TLN2: variants seen among roughly 807,000 people sequenced by gnomAD.
The protein encoded by TLN2 is talin 2.
A neutral mutation model predicts 294.7 loss-of-function variants in TLN2; 118 were observed. That is an observed-to-expected ratio of 0.40 (90% CI 0.34 to 0.47). The LOEUF (loss-of-function observed/expected upper bound fraction) is 0.47. Ranked by LOEUF, TLN2 falls within the 20% of genes least tolerant of loss-of-function variation. TLN2 has a pLI of 0.84. For missense variants in TLN2, 3,083 were observed against 3,282.2 expected (o/e 0.94, Z 1.48); for synonymous variants, 1,431 against 1,304.5 (o/e 1.10, Z -2.09).
At chr15:62,406,562 G>A (rs2033421110) in intron 1 of TLN2, among the ~76,000 whole-genome samples, 1 of 152,202 alleles carries the variant, frequency 6.6e-6, no homozygotes, top group South Asian at 2.1e-4. Context: ...TTAATAAAAT[G>A]CAGATTAAGG....
At chr15:62,590,240 G>T (rs1298563840) in intron 2 of TLN2, among the ~76,000 whole-genome samples, 2 of 152,058 alleles carry the variant, frequency 1.3e-5, no homozygotes, top group Admixed American at 6.6e-5. Context: ...TCATTGTACA[G>T]ATTATTTCAT....
intron 2 of TLN2, among the ~76,000 whole-genome samples, chr15:62,596,286 T>C (rs2046508545): frequency 8.0e-6 from 1 of 124,684 alleles, no homozygotes; most frequent in South Asian, 2.9e-4. Flanking sequence ...AAAAAGGTAT[T>C]CTTGAAAATT....
Position 62,439,334 on chromosome 15 carries a change from A to G in TLN2, c.-238+48649A>G, listed in dbSNP as rs189439499. Among the ~76,000 whole-genome samples the G allele has an allele frequency of 9.9e-4, 151 of 151,962 alleles. 1 individual carries two copies. The highest frequency in any genetic ancestry group is 3.3e-3 in the African/African-American group (138 of 41,456). On this transcript the variant is annotated intron_variant, in intron 1 of 58. Coordinates refer to ENST00000636159, the MANE Select transcript of TLN2 (RefSeq NM_015059.3). ...TCTGAGCCAGTTGTTTTTTTTTGAG[A>G]TGGAGTCTTGCTCTGTTGCCCAGGC...
intron 33 of TLN2, among the ~76,000 whole-genome samples, chr15:62,748,867 A>G (rs1018707266): frequency 4.6e-5 from 7 of 152,224 alleles, no homozygotes; most frequent in Admixed American, 4.6e-4. Context: ...TGATTTTCCC[A>G]TACACTGCAT....
chr15:62,813,907 C>T (rs1274822965), intron 52 of TLN2, among the ~76,000 whole-genome samples: 3 of 151,960 alleles, frequency 2.0e-5, no homozygotes, highest in African/African-American at 7.3e-5. Flanking sequence ...CTCCGCCTCC[C>T]GGGTTCAAAT....
chr15:62,540,543 A>T (rs2041621193), intron 1 of TLN2, among the ~76,000 whole-genome samples: 1 of 151,928 alleles, frequency 6.6e-6, no homozygotes, highest in Admixed American at 6.6e-5. Flanking sequence ...TGTTAACCAT[A>T]ATCTGGCCAT....
intron 11 of TLN2, among the ~76,000 whole-genome samples, chr15:62,684,351 T>C (rs796395470): frequency 1.6e-4 from 25 of 152,328 alleles, no homozygotes; most frequent in African/African-American, 6.0e-4. Flanking sequence ...CTAAATTAGC[T>C]GCCTAGAGCC....
At chr15:62,426,421 C>G (rs1416004860) in intron 1 of TLN2, among the ~76,000 whole-genome samples, 3 of 152,212 alleles carry the variant, frequency 2.0e-5, no homozygotes, top group African/African-American at 7.2e-5. Context: ...GTCTGTACCT[C>G]AGTGCCTTGG....
chr15:62,447,691 C>T (rs2035897495), intron 1 of TLN2, among the ~76,000 whole-genome samples: 1 of 152,148 alleles, frequency 6.6e-6, no homozygotes, highest in Admixed American at 6.6e-5. Context: ...GACAGGGTTT[C>T]ACTGAGTTAG....
At chr15:62,825,066 C>G (rs1449544002) in intron 54 of TLN2, among the ~76,000 whole-genome samples, 1 of 152,108 alleles carries the variant, frequency 6.6e-6, no homozygotes, top group Non-Finnish European at 1.5e-5. Context: ...AGGAGAGGGT[C>G]CTGTAATGTT....
chr15:62,546,700 A>AT (rs1198050048), intron 1 of TLN2, among the ~76,000 whole-genome samples: 1 of 152,206 alleles, frequency 6.6e-6, no homozygotes, highest in Non-Finnish European at 1.5e-5. Context: ...GAAAGGCAAA[A>AT]TCAGTTTGGT....
intron 1 of TLN2, among the ~76,000 whole-genome samples, chr15:62,393,391 C>T (rs1238206685): frequency 6.6e-6 from 1 of 152,190 alleles, no homozygotes; most frequent in African/African-American, 2.4e-5. Context: ...ACTGCTGACT[C>T]ATTCAGGTTT....
At chr15:62,796,383 A>G (rs2065479211) in intron 47 of TLN2, 90 bp downstream of exon 47, 2 of 1,431,108 alleles carry the variant, frequency 1.4e-6, no homozygotes, top group African/African-American at 2.8e-5. Context: ...GGAGCCAGAA[A>G]TGTAGTTATC....
At chr15:62,593,753 G>A (rs1390867374) in intron 2 of TLN2, among the ~76,000 whole-genome samples, 2 of 152,188 alleles carry the variant, frequency 1.3e-5, no homozygotes, top group African/African-American at 4.8e-5. Flanking sequence ...GAATTGGACA[G>A]CTTTCCAAAT....
chr15:62,585,549 C>A (rs2045528608), intron 1 of TLN2, among the ~76,000 whole-genome samples: 1 of 152,154 alleles, frequency 6.6e-6, no homozygotes, highest in Non-Finnish European at 1.5e-5. Context: ...TAATGTCCTG[C>A]TGTTGGTGAC....
chr15:62,493,661 A>G (rs994479851), intron 1 of TLN2, among the ~76,000 whole-genome samples: 34 of 144,550 alleles, frequency 2.4e-4, no homozygotes, highest in Non-Finnish European at 1.5e-4. Flanking sequence ...ACCAGGCTGG[A>G]GTGCAGGGGC....
At chr15:62,450,511 G>A (rs1288074014) in intron 1 of TLN2, among the ~76,000 whole-genome samples, 1 of 145,522 alleles carries the variant, frequency 6.9e-6, no homozygotes, top group East Asian at 2.0e-4. Flanking sequence ...GGCCCCCATC[G>A]TGTATGTATG....
At chr15:62,783,190 C>T (rs1013326619) in intron 44 of TLN2, among the ~76,000 whole-genome samples, 4 of 152,342 alleles carry the variant, frequency 2.6e-5, no homozygotes, top group East Asian at 1.9e-4. Context: ...AAGCTGTATC[C>T]TCTATGAGTG....
At chr15:62,600,818 C>T (rs549929392) in intron 2 of TLN2, among the ~76,000 whole-genome samples, 13 of 152,136 alleles carry the variant, frequency 8.5e-5, no homozygotes, top group Non-Finnish European at 1.9e-4. Flanking sequence ...TTATTATTTC[C>T]TGTCACTATT....
Sources: allele counts gnomAD v4.1 joint callset (sites outside exome capture counted in the v4.1 genomes callset), GRCh38; gene constraint gnomAD v4.1.1; transcripts MANE v1.5; gene names NCBI Gene and HGNC (gene_info 2026-07-23, HGNC 2026-07-21).